The following SHMT1 variants were observed in gnomAD, a reference collection of about 807,000 sequenced individuals.
The protein encoded by SHMT1 is serine hydroxymethyltransferase 1.
Under a neutral mutation model 49.0 loss-of-function variants are expected in SHMT1, and 45 were observed. That is an observed-to-expected ratio of 0.92 (90% CI 0.72 to 1.18). The LOEUF is 1.18. Ranked by LOEUF, SHMT1 falls within the 50% of genes most tolerant of loss-of-function variation. The pLI, the probability that SHMT1 is intolerant of heterozygous loss-of-function variation, is 0.00. For synonymous variants in SHMT1, 232 were observed against 246.6 expected, an observed-to-expected ratio of 0.94 and a Z score of 0.55; for missense variants, 541 against 612.4, an observed-to-expected ratio of 0.88 and a Z score of 1.23.
intron 3 of SHMT1, 23 bp downstream of exon 3, chr17:18,353,649 G>A: frequency 6.2e-7 from 1 of 1,613,322 alleles, no homozygotes; most frequent in Non-Finnish European, 8.5e-7. Context: ...GTCAGAACCA[G>A]GCCTTTGAAG....
In SHMT1 at chr17:18,340,222, G is replaced by T. The variant is rs1048296667; in HGVS notation, c.635C>A (p.Ala212Asp). ...CTCATCTGCAATCTTCCGTAGCCGG[G>T]CATATTCCAGGTTTCGGGAGTAGCA... ...TSCYSRNLEY[A>D]RLRKIADENG... Residue 212 changes from alanine to aspartate, a missense_variant, in exon 7 of 12, where the codon GCC (alanine) becomes GAC (aspartate). Transcript: ENST00000316694. The surrounding 1 kb of genome is among the most constrained non-coding windows in gnomAD (Gnocchi z 4.5). The T allele has an allele frequency of 2.5e-6, 4 of 1,614,044 alleles. No individual in the cohort carries two copies. The highest frequency in any genetic ancestry group is 3.4e-6 in the Non-Finnish European group (4 of 1,180,006).
chr17:18,354,835 C>A (rs1358299120), intron 2 of SHMT1, among the ~76,000 whole-genome samples: 2 of 143,288 alleles, frequency 1.4e-5, no homozygotes, highest in African/African-American at 5.2e-5. Flanking sequence ...GTCAGGAGAT[C>A]AAGATCATCC....
chr17:18,329,663 C>T (rs1032896918), intron 10 of SHMT1, among the ~76,000 whole-genome samples: 5 of 152,230 alleles, frequency 3.3e-5, no homozygotes, highest in East Asian at 1.9e-4. Flanking sequence ...GTCTGAGATG[C>T]GTCATCAATA....
rs904261806 is a variant in SHMT1, at chr17:18,340,962, T to G, written c.520-149A>C. 10 of 684,224 alleles carry G rather than the reference T, an allele frequency of 1.5e-5. No individual in the cohort carries two copies. The African/African-American group carries it at 1.8e-4, about 12-fold the overall frequency. 42.4% of individuals were successfully genotyped at this position (684,224 alleles called of 1,614,324 possible). On this transcript the variant is annotated intron_variant, in intron 5 of 11. Transcript: ENST00000316694. The surrounding 1 kb of genome is among the most constrained non-coding windows in gnomAD (Gnocchi z 4.5). ...GGGTGAGACAGGATGGATACTGGTG[T>G]GTTCAGCCTGCTCAACCAAGTATGG... is the stretch of plus-strand genomic sequence containing the variant.
rs1598062889 is a variant in SHMT1 at position 18,355,050 on chromosome 17, C to G, written c.96+836G>C. On this transcript the variant is annotated intron_variant, in intron 2 of 11. Coordinates refer to ENST00000316694, the MANE Select transcript of SHMT1 (RefSeq NM_004169.5). ...TGAGCAACAGAGCAAGACTATATCT[C>G]AAAAAAAAAAAAAAAAAAAAAAAAA... Among the ~76,000 whole-genome samples the G allele has an allele frequency of 2.0e-4, 5 of 24,464 alleles. No homozygotes were observed. The South Asian group carries it at 0.016, about 76-fold the overall frequency. 16.0% of individuals were successfully genotyped at this position (24,464 alleles called of 152,430 possible).
chr17:18,345,363 T>C (rs1984975449), intron 5 of SHMT1, among the ~76,000 whole-genome samples: 1 of 152,096 alleles, frequency 6.6e-6, no homozygotes, highest in Admixed American at 6.5e-5. Context: ...GTTCAAGTGG[T>C]TCTCCTGCCT....
At chr17:18,357,746 G>A (rs1475002624) in intron 1 of SHMT1, among the ~76,000 whole-genome samples, 2 of 151,858 alleles carry the variant, frequency 1.3e-5, no homozygotes, top group East Asian at 1.9e-4. Flanking sequence ...ACTCACACCT[G>A]TAACCCCAGC....
intron 1 of SHMT1, among the ~76,000 whole-genome samples, chr17:18,357,959 G>C (rs1304097995): frequency 1.3e-5 from 2 of 150,134 alleles, no homozygotes; most frequent in African/African-American, 4.9e-5. Context: ...CACCTCCCGG[G>C]TTCATGCCAT....
At chr17:18,337,624 C>T (rs1449992809) in intron 7 of SHMT1, among the ~76,000 whole-genome samples, 4 of 151,334 alleles carry the variant, frequency 2.6e-5, no homozygotes, top group South Asian at 2.1e-4. Flanking sequence ...GATGCCGAGC[C>T]GAAGCTGGAC....
intron 7 of SHMT1, among the ~76,000 whole-genome samples, chr17:18,338,769 CAT>C (rs1984141231): frequency 6.6e-6 from 1 of 152,170 alleles, no homozygotes; most frequent in African/African-American, 2.4e-5. Flanking sequence ...CTCTCTGAAA[CAT>C]GTGCTGTGTC....
intron 5 of SHMT1, among the ~76,000 whole-genome samples, chr17:18,345,722 C>A (rs1393750787): frequency 1.3e-5 from 2 of 151,352 alleles, no homozygotes; most frequent in Non-Finnish European, 1.5e-5. Flanking sequence ...CTCTTGTCGC[C>A]CACTCTGGAG....
At chr17:18,354,559 G>A (rs967147745) in intron 2 of SHMT1, among the ~76,000 whole-genome samples, 1 of 152,166 alleles carries the variant, frequency 6.6e-6, no homozygotes, top group African/African-American at 2.4e-5. Context: ...TCGCGCCATC[G>A]CACTCCAGCC....
intron 3 of SHMT1, 50 bp from the exon 4 acceptor site, chr17:18,348,490 G>A (rs932970922): frequency 7.4e-7 from 1 of 1,360,480 alleles, no homozygotes; most frequent in Non-Finnish European, 1.1e-6. Context: ...CAGAAAGTCT[G>A]TGCTTCACAG....
Position 18,343,714 on chromosome 17 carries a change from G to A in SHMT1, c.520-2901C>T, listed in dbSNP as rs1449802063. On this transcript the variant is annotated intron_variant, in intron 5 of 11. Transcript: ENST00000316694. ...TTGGACAGATCACTTGAGCCCAGGAGTTCAAGACCAGCCTGGGCAACATGG... is the reference window on the plus strand; with the variant it reads ...TTGGACAGATCACTTGAGCCCAGGAATTCAAGACCAGCCTGGGCAACATGG... 2.0e-5 allele frequency among the ~76,000 whole-genome samples: 3 copies of A among 150,504 alleles called. No homozygotes were observed. The East Asian group carries it at 5.9e-4, about 30-fold the overall frequency.
At chr17:18,341,531 T>C (rs1272224019) in intron 5 of SHMT1, 1 of 151,684 alleles carries the variant, frequency 6.6e-6, no homozygotes, top group Non-Finnish European at 1.5e-5. Context: ...TCCCAGCTAC[T>C]TGGGAGGCTG....
chr17:18,334,734 A>C (rs1357357679), intron 8 of SHMT1, among the ~76,000 whole-genome samples: 1 of 152,200 alleles, frequency 6.6e-6, no homozygotes, highest in Non-Finnish European at 1.5e-5. Context: ...CAGAGCCTCC[A>C]ATCAATACTT....
At chr17:18,350,607 A>C (rs1216482498) in intron 3 of SHMT1, among the ~76,000 whole-genome samples, 13 of 151,986 alleles carry the variant, frequency 8.6e-5, no homozygotes, top group Non-Finnish European at 1.5e-5. Context: ...ACTGCACTCC[A>C]GCCTGGGCAA....
rs759761757 is a variant in SHMT1, at chr17:18,333,065, G to A, written c.1054+101C>T. On this transcript the variant is annotated intron_variant, in intron 9 of 11. Transcript: ENST00000316694. Reference sequence around the variant, plus strand: ...CCAAGGTGGGCCCATCATTGCAGCTGCAGCAGCAGAGCCTGGGCCACATCC... The same window carrying A: ...CCAAGGTGGGCCCATCATTGCAGCTACAGCAGCAGAGCCTGGGCCACATCC... 5.3e-5 allele frequency: 76 copies of A among 1,445,962 alleles called. 2 individuals are homozygous for A. In the East Asian group the frequency reaches 1.7e-3, roughly 32 times the overall value. The allele number at this position is 1,445,962 out of a possible 1,614,324, so 89.6% of individuals were successfully genotyped here. A position where few individuals can be genotyped will look rare whatever the true frequency, so the allele number is the denominator to read the frequency against.
At chr17:18,362,831 G>A (rs1321313514) in intron 1 of SHMT1, among the ~76,000 whole-genome samples, 1 of 152,164 alleles carries the variant, frequency 6.6e-6, no homozygotes, top group Non-Finnish European at 1.5e-5. Flanking sequence ...CGGGCAACAG[G>A]AAGAGCTCAT....
Sources: allele counts gnomAD v4.1 joint callset (sites outside exome capture counted in the v4.1 genomes callset), GRCh38; gene constraint gnomAD v4.1.1; non-coding constraint Gnocchi (gnomAD v3.1); transcripts MANE v1.5; gene names NCBI Gene and HGNC (gene_info 2026-07-23, HGNC 2026-07-21).